PAK4: variants seen among roughly 807,000 people sequenced by gnomAD.
PAK4 encodes p21 (RAC1) activated kinase 4.
In PAK4, 49 loss-of-function variants were observed where a neutral mutation model predicts 53.5. That is an observed-to-expected ratio of 0.92 (90% CI 0.73 to 1.16). The LOEUF (loss-of-function observed/expected upper bound fraction) is 1.16. Ranked by LOEUF, PAK4 falls within the 50% of genes most tolerant of loss-of-function variation. PAK4 has a pLI of 0.00. For missense variants in PAK4, 824 were observed against 850.7 expected, an observed-to-expected ratio of 0.97 and a Z score of 0.39; for synonymous variants, 376 against 375.6, an observed-to-expected ratio of 1.00 and a Z score of -0.01.
chr19:39,130,819 G>A (rs2073695530), intron 1 of PAK4, among the ~76,000 whole-genome samples: 2 of 151,474 alleles, frequency 1.3e-5, no homozygotes, highest in Admixed American at 1.3e-4. Context: ...AGTCATCAGA[G>A]GCTTTAGTGA....
chr19:39,163,512 G>A (rs935425889), intron 1 of PAK4, among the ~76,000 whole-genome samples: 1 of 152,120 alleles, frequency 6.6e-6, no homozygotes, highest in African/African-American at 2.4e-5. Context: ...GGAGAATGGG[G>A]GTGGTGGGAC....
intron 1 of PAK4, among the ~76,000 whole-genome samples, chr19:39,147,476 C>T (rs692338): frequency 0.02 from 3,093 of 152,226 alleles, 111 homozygotes; most frequent in African/African-American, 0.072. Flanking sequence ...AAGAGGGTTT[C>T]GTGTGAATGT....
chr19:39,136,786 G>A (rs931560034), intron 1 of PAK4, among the ~76,000 whole-genome samples: 5 of 152,234 alleles, frequency 3.3e-5, no homozygotes, highest in African/African-American at 7.2e-5. Flanking sequence ...TGACTGAACT[G>A]TAGTAAGCTG....
chr19:39,133,047 T>G (rs184319555), intron 1 of PAK4, among the ~76,000 whole-genome samples: 6 of 152,342 alleles, frequency 3.9e-5, no homozygotes, highest in Admixed American at 2.6e-4. Context: ...GATGTGGCAC[T>G]CAAACCTTGG....
chr19:39,164,481 G>A (rs1348702941), intron 1 of PAK4, among the ~76,000 whole-genome samples: 1 of 152,076 alleles, frequency 6.6e-6, no homozygotes, highest in Non-Finnish European at 1.5e-5. Context: ...ACTCGCCCAT[G>A]CAAAGGCCCT....
At chr19:39,145,240 T>TC (rs2073980485) in intron 1 of PAK4, among the ~76,000 whole-genome samples, 1 of 151,872 alleles carries the variant, frequency 6.6e-6, no homozygotes, top group Admixed American at 6.6e-5. Flanking sequence ...CCCAGGTGCC[T>TC]CCCCCAGGGC....
At position 39,173,671 on chromosome 19, in the gene PAK4, CCGAGGT is replaced by C. The variant is rs762221915; in HGVS notation, c.760_765del (p.Arg254_Gly255del). Reference sequence around the variant, plus strand: ...CCTCCTCCCGGCCTCCCACCCGAGCCCGAGGTGCCCCCAGCCCTGGAGTGCTGGGAC... The same window carrying C: ...CCTCCTCCCGGCCTCCCACCCGAGCCGCCCCCAGCCCTGGAGTGCTGGGAC... On this transcript the variant is annotated inframe_deletion, in exon 4 of 9. Coordinates refer to ENST00000358301, the Ensembl canonical transcript of PAK4. The surrounding 1 kb of genome is among the most constrained non-coding windows in gnomAD (Gnocchi z 6.9). The C allele has an allele frequency of 1.3e-6, 2 of 1,587,962 alleles. No homozygotes were observed. Among genetic ancestry groups the C allele is most frequent in the Admixed American group, 1.7e-5 (1 of 58,002 alleles).
chr19:39,167,387 G>T (rs1165840065), intron 1 of PAK4, among the ~76,000 whole-genome samples: 1 of 152,188 alleles, frequency 6.6e-6, no homozygotes, highest in Non-Finnish European at 1.5e-5. Flanking sequence ...GACTGTTGGG[G>T]TATGTGGATG....
chr19:39,150,516 G>A (rs1600346118), intron 1 of PAK4, among the ~76,000 whole-genome samples: 2 of 152,040 alleles, frequency 1.3e-5, no homozygotes, highest in African/African-American at 4.8e-5. Flanking sequence ...AAACAGCGCT[G>A]CCTCCTTGTC....
intron 1 of PAK4, among the ~76,000 whole-genome samples, chr19:39,158,314 C>T (rs1230075848): frequency 6.6e-6 from 1 of 152,092 alleles, no homozygotes; most frequent in East Asian, 1.9e-4. Context: ...GAGGAGAGGC[C>T]GTGGTTGCTG....
intron 1 of PAK4, among the ~76,000 whole-genome samples, chr19:39,135,615 G>A (rs1256779217): frequency 1.3e-5 from 2 of 152,042 alleles, no homozygotes; most frequent in Non-Finnish European, 2.9e-5. Context: ...GATTACAGAC[G>A]TGAGCCACTG....
At chr19:39,133,550 G>A (rs953604755) in intron 1 of PAK4, among the ~76,000 whole-genome samples, 2 of 152,096 alleles carry the variant, frequency 1.3e-5, no homozygotes, top group African/African-American at 2.4e-5. Context: ...CGCTGTGGCC[G>A]CTTCCCCTGC....
chr19:39,136,789 G>C (rs2073823382), intron 1 of PAK4, among the ~76,000 whole-genome samples: 1 of 152,252 alleles, frequency 6.6e-6, no homozygotes, highest in East Asian at 1.9e-4. Flanking sequence ...CTGAACTGTA[G>C]TAAGCTGGGC....
chr19:39,174,638 G>C (rs1008379550), intron 4 of PAK4, among the ~76,000 whole-genome samples: 3 of 151,910 alleles, frequency 2.0e-5, no homozygotes, highest in African/African-American at 7.3e-5. Context: ...GCCCTTGTCC[G>C]GGTCTCAGCC....
downstream of PAK4, chr19:39,181,818 A>AGGAG (rs2074703123): frequency 6.6e-6 from 1 of 152,338 alleles, no homozygotes; most frequent in South Asian, 2.1e-4. Context: ...CCGGAGGCCC[A>AGGAG]GGAGGGGCAC....
chr19:39,178,308 C>T lies in PAK4; in HGVS notation c.1621-116C>T. The T allele has an allele frequency of 1.8e-6, 2 of 1,098,272 alleles. No individual in the cohort carries two copies. Among genetic ancestry groups the T allele is most frequent in the Non-Finnish European group, 2.6e-6 (2 of 775,722 alleles). 68.0% of individuals were successfully genotyped at this position (1,098,272 alleles called of 1,614,324 possible). The stretch of plus-strand genomic sequence containing the variant: ...TCTAGACACCCATGACCTCCGCCCC[C>T]TGCCCTCCTGCACAGTACATGCCGC... On this transcript the variant is annotated intron_variant, in intron 8 of 8. Coordinates refer to ENST00000358301, the Ensembl canonical transcript of PAK4. The surrounding 1 kb of genome is among the most constrained non-coding windows in gnomAD (Gnocchi z 4.4).
intron 1 of PAK4, among the ~76,000 whole-genome samples, chr19:39,128,332 C>T (rs557311887): frequency 2.6e-5 from 4 of 152,264 alleles, no homozygotes; most frequent in East Asian, 3.9e-4. Flanking sequence ...TGGAGGCCCT[C>T]GCTCCACCTG....
intron 1 of PAK4, among the ~76,000 whole-genome samples, chr19:39,159,336 A>G (rs1465625731): frequency 6.6e-6 from 1 of 152,176 alleles, no homozygotes; most frequent in Non-Finnish European, 1.5e-5. Flanking sequence ...GACTATAAGG[A>G]CAAAGGTAAA....
chr19:39,150,054 G>A (rs1568507674), intron 1 of PAK4, among the ~76,000 whole-genome samples: 2 of 152,072 alleles, frequency 1.3e-5, no homozygotes, highest in African/African-American at 4.8e-5. Context: ...CCACTGAATT[G>A]TATACTTACA....
Sources: gnomAD v4.1 joint callset for allele counts (sites outside exome capture counted in the v4.1 genomes callset) on GRCh38, gnomAD v4.1.1 for gene constraint, Gnocchi (gnomAD v3.1) non-coding constraint, MANE v1.5 for transcripts, NCBI Gene and HGNC (gene_info 2026-07-23, HGNC 2026-07-21) for gene names.